AGAP1: variants seen among roughly 807,000 people sequenced by gnomAD.
AGAP1 encodes the protein arf-GAP with GTPase, ANK repeat and PH domain-containing protein 1.
Under a neutral mutation model 105.3 loss-of-function variants are expected in AGAP1, and 29 were observed. The ratio of observed to expected loss-of-function variants is 0.28; its 90% CI spans 0.21 to 0.38. The LOEUF is 0.38. Ranked by LOEUF, AGAP1 falls within the 10% of genes least tolerant of loss-of-function variation. AGAP1 has a pLI of 1.00. For synonymous variants in AGAP1, 509 were observed against 485.9 expected, an observed-to-expected ratio of 1.05 and a Z score of -0.63; for missense variants, 998 against 1,165.1, an observed-to-expected ratio of 0.86 and a Z score of 2.09.
rs1402293462 is a variant in AGAP1, at chr2:235,701,392, C to T, written c.164-7787C>T. 1.3e-5 allele frequency among the ~76,000 whole-genome samples: 2 copies of T among 151,712 alleles called. No individual in the cohort carries two copies. The highest frequency in any genetic ancestry group is 1.3e-4 in the Admixed American group (2 of 15,208). ...GCAGGCAGTGGCGTGGATGTACCTG[C>T]AGGGGTGGGCATGGTGGCATCTTGG... On this transcript the variant is annotated intron_variant, in intron 1 of 17. Transcript: ENST00000304032. The surrounding 1 kb of genome is among the most constrained non-coding windows in gnomAD (Gnocchi z 4.1).
intron 6 of AGAP1, among the ~76,000 whole-genome samples, chr2:235,766,590 A>G (rs1444165454): frequency 6.6e-6 from 1 of 152,224 alleles, no homozygotes; most frequent in Non-Finnish European, 1.5e-5. Flanking sequence ...AGTTTCATTC[A>G]TTGGAATGAG....
intron 5 of AGAP1, among the ~76,000 whole-genome samples, chr2:235,746,251 A>G (rs1051668995): frequency 6.6e-6 from 1 of 151,072 alleles, no homozygotes; most frequent in Admixed American, 6.6e-5. Context: ...GTGCCACTGC[A>G]CTCCAGCCTG....
chr2:235,510,085 A>G (rs1310282991), intron 1 of AGAP1, among the ~76,000 whole-genome samples: 1 of 152,226 alleles, frequency 6.6e-6, no homozygotes, highest in African/African-American at 2.4e-5. Context: ...AGTTGCAGGA[A>G]AACAAGCTCA....
Position 236,089,207 on chromosome 2 carries a change from G to C in AGAP1, c.2115-30985G>C, listed in dbSNP as rs1367700992. On this transcript the variant is annotated intron_variant, in intron 16 of 17. Transcript: ENST00000304032. This position sits in a 1 kb window ranked among gnomAD's most constrained non-coding sequence, Gnocchi z 5.6. ...ATGAGGTCTTTTCAAAGCACATACA[G>C]TTGTGTGATTTTTATTTCCCCAAGA... 6.6e-6 allele frequency among the ~76,000 whole-genome samples: 1 copy of C among 152,226 alleles called. No homozygotes were observed. Among genetic ancestry groups the C allele is most frequent in the Non-Finnish European group, 1.5e-5 (1 of 68,038 alleles).
rs1177055456 is a variant in AGAP1 at position 236,120,051 on chromosome 2, G to A, written c.2115-141G>A. The A allele has an allele frequency of 8.3e-7, 1 of 1,208,408 alleles. No homozygotes were observed. The highest frequency in any genetic ancestry group is 1.2e-6 in the Non-Finnish European group (1 of 868,674). The allele number at this position is 1,208,408 out of a possible 1,614,324, so 74.9% of individuals were successfully genotyped here. On this transcript the variant is annotated intron_variant, in intron 16 of 17. Transcript: ENST00000304032. This position sits in a 1 kb window ranked among gnomAD's most constrained non-coding sequence, Gnocchi z 6.0. ...TGAAGGTGGATAAACGTTTCCCCCA[G>A]GGGGCTTTGTGCCGAGTGAAGACCT...
At chr2:235,768,605 GGA>G (rs1370173818) in intron 6 of AGAP1, among the ~76,000 whole-genome samples, 3 of 152,248 alleles carry the variant, frequency 2.0e-5, no homozygotes, top group Non-Finnish European at 4.4e-5. Flanking sequence ...CATTCTGTGG[GGA>G]GCCAATGGGT....
At chr2:235,699,069 TC>T (rs5839607) in intron 1 of AGAP1, among the ~76,000 whole-genome samples, 79,764 of 140,252 alleles carry the variant, frequency 0.57, 22,488 homozygotes, top group East Asian at 0.78. Flanking sequence ...GCATCAGACA[TC>T]CCCCCCCCCC....
chr2:235,812,051 A>G (rs73998939), intron 9 of AGAP1, among the ~76,000 whole-genome samples: 2,978 of 152,212 alleles, frequency 0.02, 97 homozygotes, highest in African/African-American at 0.069. Flanking sequence ...ATGCCCGCCA[A>G]GGTGCTGTTT....
At chr2:236,049,364 T>A in intron 16 of AGAP1, 83 bp downstream of exon 16, 1 of 1,286,756 alleles carries the variant, frequency 7.8e-7, no homozygotes, top group Non-Finnish European at 1.1e-6. Context: ...ACAGCCACGG[T>A]TGGGAAGGCC....
intron 16 of AGAP1, among the ~76,000 whole-genome samples, chr2:236,063,717 A>G (rs1256241687): frequency 1.3e-5 from 2 of 152,232 alleles, no homozygotes; most frequent in South Asian, 2.1e-4. Context: ...GTCCGAGGCC[A>G]GTGGGACAAA....
rs1383154938 is a variant in AGAP1, at chr2:236,045,989, CCTT to C, written c.1892-3068_1892-3066del. 4.2e-6 allele frequency: 2 copies of C among 471,562 alleles called. No homozygotes were observed. The highest frequency in any genetic ancestry group is 8.8e-6 in the Non-Finnish European group (2 of 227,176). The allele number at this position is 471,562 out of a possible 1,614,324, so 29.2% of individuals were successfully genotyped here. ...AATGTGTCCCACGCATGAATGTCGT[CCTT>C]CAGATCTGGACCTGACAGCCTGGGA... On this transcript the variant is annotated intron_variant, in intron 15 of 17. Transcript: ENST00000304032. The surrounding 1 kb of genome is among the most constrained non-coding windows in gnomAD (Gnocchi z 6.9).
Position 236,061,536 on chromosome 2 carries a change from G to A in AGAP1, c.2114+12255G>A, listed in dbSNP as rs958095789. ...ATTCTGCCATGGGAAGGAGTGAAGT[G>A]TGGATACAGGTTGTAACGTGGGTGA... On this transcript the variant is annotated intron_variant, in intron 16 of 17. Coordinates refer to ENST00000304032, the MANE Select transcript of AGAP1 (RefSeq NM_001037131.3). The surrounding 1 kb of genome is among the most constrained non-coding windows in gnomAD (Gnocchi z 4.1). 1.3e-5 allele frequency among the ~76,000 whole-genome samples: 2 copies of A among 152,168 alleles called. No individual in the cohort carries two copies. Among genetic ancestry groups the A allele is most frequent in the Non-Finnish European group, 2.9e-5 (2 of 68,034 alleles).
At chr2:235,534,177 C>A (rs968692255) in intron 1 of AGAP1, among the ~76,000 whole-genome samples, 2 of 152,156 alleles carry the variant, frequency 1.3e-5, no homozygotes, top group Non-Finnish European at 2.9e-5. Flanking sequence ...TCCTGCCGAC[C>A]CCGGTGGCTC....
Position 236,040,629 on chromosome 2 carries a change from T to G in AGAP1, c.1801-122T>G. 1.4e-6 allele frequency: 1 copy of G among 715,910 alleles called. No individual in the cohort carries two copies. The highest frequency in any genetic ancestry group is 1.8e-5 in the South Asian group (1 of 54,572). 44.3% of individuals were successfully genotyped at this position (715,910 alleles called of 1,614,324 possible). A position where few individuals can be genotyped will look rare whatever the true frequency, so the allele number is the denominator to read the frequency against. On this transcript the variant is annotated intron_variant, in intron 14 of 17. Coordinates refer to ENST00000304032, the MANE Select transcript of AGAP1 (RefSeq NM_001037131.3). This position sits in a 1 kb window ranked among gnomAD's most constrained non-coding sequence, Gnocchi z 5.6. ...AAGACATCAAAACAAGAGTGATTGT[T>G]TAGAAATTACCCTCGTCCTACATTT...
intron 1 of AGAP1, among the ~76,000 whole-genome samples, chr2:235,647,737 A>G (rs987440387): frequency 7.2e-5 from 11 of 152,028 alleles, no homozygotes; most frequent in Admixed American, 3.3e-4. Flanking sequence ...TGTTGACAAT[A>G]TAGGTTTTTA....
At chr2:235,863,560 A>C (rs1368950557) in intron 9 of AGAP1, among the ~76,000 whole-genome samples, 1 of 152,038 alleles carries the variant, frequency 6.6e-6, no homozygotes. Flanking sequence ...CTCCTCTTTG[A>C]GCTAGGGATG....
intron 1 of AGAP1, chr2:235,671,103 G>A (rs910910788): frequency 1.3e-5 from 16 of 1,247,754 alleles, no homozygotes; most frequent in Admixed American, 8.5e-5. Flanking sequence ...GGGCGTGGTG[G>A]GGACTTGCCG....
Position 235,864,290 on chromosome 2 carries a change from A to G in AGAP1, c.1051-19055A>G, listed in dbSNP as rs2049056405. Among the ~76,000 whole-genome samples the G allele has an allele frequency of 6.6e-6, 1 of 152,148 alleles. No individual in the cohort carries two copies. Among genetic ancestry groups the G allele is most frequent in the Non-Finnish European group, 1.5e-5 (1 of 68,026 alleles). On this transcript the variant is annotated intron_variant, in intron 9 of 17. Transcript: ENST00000304032. This position sits in a 1 kb window ranked among gnomAD's most constrained non-coding sequence, Gnocchi z 5.0. ...TGCATTTTCGCAGAATGCCCCCATC[A>G]TGTGAAGGGGTTCGGCTCACTCTGT...
chr2:235,857,913 A>T (rs1357221502), intron 9 of AGAP1, among the ~76,000 whole-genome samples: 2 of 152,156 alleles, frequency 1.3e-5, no homozygotes, highest in Admixed American at 1.3e-4. Context: ...CTGTCTGCCC[A>T]TGTTGGGAGT....
Sources: gnomAD v4.1 joint callset for allele counts (sites outside exome capture counted in the v4.1 genomes callset) on GRCh38, gnomAD v4.1.1 for gene constraint, Gnocchi (gnomAD v3.1) non-coding constraint, MANE v1.5 for transcripts, NCBI Gene and HGNC (gene_info 2026-07-23, HGNC 2026-07-21) for gene names.